Variants in WDR41 observed in about 807,000 individuals in gnomAD.
WDR41 encodes WD repeat-containing protein 41.
WDR41 carries 63 observed loss-of-function variants against 69.3 expected under a neutral mutation model. That is an observed-to-expected ratio of 0.91 (90% CI 0.74 to 1.12). The LOEUF is 1.12. Ranked by LOEUF, WDR41 falls within the 50% of genes most tolerant of loss-of-function variation. The probability of loss-of-function intolerance (pLI) is 0.00; values close to 1 mark genes in which losing one functional copy is unlikely to be tolerated. For synonymous variants in WDR41, 185 were observed against 192.1 expected (o/e 0.96, Z 0.31); for missense variants, 543 against 534.5 (o/e 1.02, Z -0.16).
chr5:77,518,185 TTTTG>T, intron 1 of WDR41, among the ~76,000 whole-genome samples: 1 of 152,272 alleles, frequency 6.6e-6, no homozygotes, highest in African/African-American at 2.4e-5. Context: ...ATGGGATTTT[TTTTG>T]TTGTTGTTTA....
Position 77,566,894 on chromosome 5 carries a change from G to A in WDR41, c.42+53585C>T, listed in dbSNP as rs751792411. On this transcript the variant is annotated intron_variant, in intron 1 of 5. Transcript: ENST00000509971. ...CTGAGGGGCACCAGAAGTCACTAGA[G>A]TTAAATGGCACTCCATGTGATGGAA... Among the ~76,000 whole-genome samples the A allele has an allele frequency of 2.2e-4, 33 of 152,130 alleles. 1 individual carries two copies. The highest frequency in any genetic ancestry group is 1.8e-3 in the Admixed American group (28 of 15,270).
At chr5:77,515,157 A>G (rs61342585) in intron 1 of WDR41, among the ~76,000 whole-genome samples, 4,799 of 152,278 alleles carry the variant, frequency 0.032, 208 homozygotes, top group South Asian at 0.19. Flanking sequence ...GACTTTTAAT[A>G]ACACATCTTA....
intron 2 of WDR41, 33 bp downstream of exon 2, chr5:77,489,424 A>G (rs1388690647): frequency 7.3e-7 from 1 of 1,369,364 alleles, no homozygotes; most frequent in Non-Finnish European, 1.0e-6. Context: ...CTCTTCCCAA[A>G]CAATAGTCAA....
At chr5:77,542,115 T>C (rs936337151) in intron 1 of WDR41, among the ~76,000 whole-genome samples, 1 of 152,162 alleles carries the variant, frequency 6.6e-6, no homozygotes, top group Non-Finnish European at 1.5e-5. Flanking sequence ...ATCATGTCCT[T>C]GAAAGGGATA....
intron 1 of WDR41, among the ~76,000 whole-genome samples, chr5:77,524,894 C>G (rs1359571683): frequency 6.6e-6 from 1 of 152,186 alleles, no homozygotes; most frequent in Non-Finnish European, 1.5e-5. Flanking sequence ...GAACATTTTA[C>G]TCCAAAATAT....
At chr5:77,512,887 T>C (rs1802231656) in intron 1 of WDR41, among the ~76,000 whole-genome samples, 1 of 152,192 alleles carries the variant, frequency 6.6e-6, no homozygotes, top group Non-Finnish European at 1.5e-5. Flanking sequence ...TTATTCTTCT[T>C]ACAAGTTAAA....
intron 2 of WDR41, among the ~76,000 whole-genome samples, chr5:77,479,564 A>C (rs1476459524): frequency 6.6e-6 from 1 of 152,154 alleles, no homozygotes; most frequent in African/African-American, 2.4e-5. Context: ...CAAAAACAAG[A>C]AATGGGGAAA....
rs867674492 is a variant in WDR41, at chr5:77,469,598, T to A, written c.168-4789A>T. Among the ~76,000 whole-genome samples, 22 of 152,310 alleles carry A rather than the reference T, an allele frequency of 1.4e-4. 1 individual carries two copies. Among genetic ancestry groups the A allele is most frequent in the Middle Eastern group, 6.8e-3 (2 of 294 alleles). ...GGCAGTCATTTTTGCGTGTGTGTGA[T>A]GTTAACACCCATCAATAATCACTGC... is the stretch of plus-strand genomic sequence containing the variant. On this transcript the variant is annotated intron_variant, in intron 2 of 12. Coordinates refer to ENST00000296679, the MANE Select transcript of WDR41 (RefSeq NM_018268.4).
At position 77,612,956 on chromosome 5, in the gene WDR41, C is replaced by G. The variant is rs1370644947; in HGVS notation, c.42+7523G>C. 3.0e-3 allele frequency among the ~76,000 whole-genome samples: 457 copies of G among 151,800 alleles called. 4 individuals are homozygous for G. Among genetic ancestry groups the G allele is most frequent in the African/African-American group, 0.011 (439 of 41,374 alleles). On this transcript the variant is annotated intron_variant, in intron 1 of 5. Coordinates refer to the WDR41 transcript ENST00000509971. The stretch of plus-strand genomic sequence containing the variant: ...GCAACTTCAGCAAAGTCTCAGGATA[C>G]AAAATCAATGTACAAAAATCACAAG...
chr5:77,449,855 A>G lies in WDR41; in HGVS notation c.602T>C (p.Val201Ala), dbSNP rs773226928. Residue 201 changes from valine (V) to alanine (A), a missense_variant, in exon 8 of 13, where the codon GTA (valine) becomes GCA (alanine). Val to Ala is a moderately conservative substitution (Grantham distance 64). Transcript: ENST00000296679. Reference protein sequence around the residue: ...VGKELIIFRLVAPTEGSLEWD... With the variant: ...VGKELIIFRLAAPTEGSLEWD... ...TTCTAGTGATCCTTCTGTGGGTGCT[A>G]CCAACCTGAAAATTACTAAATGAAA... is the stretch of plus-strand genomic sequence containing the variant. 4.3e-6 allele frequency: 7 copies of G among 1,611,996 alleles called. No individual in the cohort carries two copies. Among genetic ancestry groups the G allele is most frequent in the Admixed American group, 1.7e-5 (1 of 59,816 alleles).
chr5:77,520,609 G>A (rs1802356900), intron 1 of WDR41, among the ~76,000 whole-genome samples: 1 of 152,088 alleles, frequency 6.6e-6, no homozygotes, highest in South Asian at 2.1e-4. Flanking sequence ...ATTGAGCCTT[G>A]CTTGACATTC....
chr5:77,438,331 A>C lies in WDR41; in HGVS notation c.913T>G (p.Tyr305Asp). The part of the protein sequence containing the change: ...NVFAAVGRGL[Y>D]VYSLQMKRVI... ...CGCTTCATTTGAAGGCTATACACGTATAAACCCCTTCCAACTGCAGCAAAT... is the reference window on the plus strand; with the variant it reads ...CGCTTCATTTGAAGGCTATACACGTCTAAACCCCTTCCAACTGCAGCAAAT... Residue 305 changes from tyrosine (Y) to aspartate (D), a missense_variant, in exon 10 of 13, where the codon TAC (tyrosine) becomes GAC (aspartate). By Grantham distance (160) the Tyr-to-Asp change is radical (BLOSUM62 -3). Transcript: ENST00000296679. 6.2e-7 allele frequency: 1 copy of C among 1,614,088 alleles called. No homozygotes were observed. The highest frequency in any genetic ancestry group is 8.5e-7 in the Non-Finnish European group (1 of 1,179,924).
intron 2 of WDR41, among the ~76,000 whole-genome samples, chr5:77,472,901 A>C (rs1231590351): frequency 6.6e-6 from 1 of 152,190 alleles, no homozygotes; most frequent in Non-Finnish European, 1.5e-5. Flanking sequence ...GACTTTCTTC[A>C]CAGAATTGGA....
intron 1 of WDR41, among the ~76,000 whole-genome samples, chr5:77,491,023 G>A (rs1247805084): frequency 6.6e-6 from 1 of 152,192 alleles, no homozygotes; most frequent in Non-Finnish European, 1.5e-5. Flanking sequence ...TCAGGCCTCT[G>A]AGCCCAAGCT....
At chr5:77,462,733 A>G (rs1800126011) in intron 4 of WDR41, among the ~76,000 whole-genome samples, 1 of 152,198 alleles carries the variant, frequency 6.6e-6, no homozygotes, top group Admixed American at 6.5e-5. Flanking sequence ...AAAAATGTAA[A>G]TTATTCTCCA....
chr5:77,440,173 TCTC>T (rs1204279544), intron 9 of WDR41, among the ~76,000 whole-genome samples: 1 of 152,170 alleles, frequency 6.6e-6, no homozygotes, highest in Non-Finnish European at 1.5e-5. Context: ...CCCAACTCCT[TCTC>T]CTCGAAGGGT....
At chr5:77,456,509 C>T (rs1799838088) in intron 5 of WDR41, among the ~76,000 whole-genome samples, 1 of 152,150 alleles carries the variant, frequency 6.6e-6, no homozygotes, top group African/African-American at 2.4e-5. Context: ...TACACAAGAT[C>T]ATGTTATTTG....
chr5:77,599,943 A>G (rs1483700870), intron 1 of WDR41, among the ~76,000 whole-genome samples: 1 of 152,242 alleles, frequency 6.6e-6, no homozygotes, highest in East Asian at 1.9e-4. Flanking sequence ...AAAGAGCAAG[A>G]CAAGTTCATC....
In WDR41 at chr5:77,431,980, TTCC is replaced by T. The variant is rs1561719587; in HGVS notation, c.*1152_*1154del. The T allele has an allele frequency of 6.6e-6, 1 of 152,198 alleles. No individual in the cohort carries two copies. The highest frequency in any genetic ancestry group is 1.5e-5 in the Non-Finnish European group (1 of 68,048). 9.4% of individuals were successfully genotyped at this position (152,198 alleles called of 1,614,324 possible). A position where few individuals can be genotyped will look rare whatever the true frequency, so the allele number is the denominator to read the frequency against. On this transcript the variant is annotated 3_prime_UTR_variant, in exon 13 of 13. Transcript: ENST00000296679. ...AGGCCTTACTGCACTGGGCCTCAGT[TTCC>T]TCATTTGTAACATTATGCCACTGGT...
Sources: gnomAD v4.1 joint callset for allele counts (sites outside exome capture counted in the v4.1 genomes callset) on GRCh38, gnomAD v4.1.1 for gene constraint, MANE v1.5 for transcripts, NCBI Gene and HGNC (gene_info 2026-07-23, HGNC 2026-07-21) for gene names.